CRYBG3: variants seen among roughly 807,000 people sequenced by gnomAD.
CRYBG3 encodes the protein very large A-kinase anchor protein.
CRYBG3 carries 127 observed loss-of-function variants against 244.2 expected under a neutral mutation model. That is an observed-to-expected ratio of 0.52 (90% CI 0.45 to 0.60). The LOEUF is 0.60. Among genes scored for constraint, CRYBG3 ranks in the 20% least tolerant of loss-of-function variants. The pLI is 0.00. For missense variants in CRYBG3, 3,325 were observed against 3,442.5 expected (o/e 0.97, Z 0.85); for synonymous variants, 1,132 against 1,195.8 (o/e 0.95, Z 1.10).
rs753455809 is a variant in CRYBG3 at position 97,876,679 on chromosome 3, G to C, written c.5485G>C (p.Val1829Leu). 28 of 1,238,892 alleles carry C rather than the reference G, an allele frequency of 2.3e-5. No individual in the cohort carries two copies. The highest frequency in any genetic ancestry group is 2.8e-5 in the Non-Finnish European group (28 of 992,508). 76.7% of individuals were successfully genotyped at this position (1,238,892 alleles called of 1,614,324 possible). ...LEMEKACKRDVKETIGATVST... is the reference protein window; with the variant it reads ...LEMEKACKRDLKETIGATVST... ...AATGGAAAAAGCATGCAAGAGAGATGTTAAAGAGACTATTGGAGCAACTGT... is the reference window on the plus strand; with the variant it reads ...AATGGAAAAAGCATGCAAGAGAGATCTTAAAGAGACTATTGGAGCAACTGT... Residue 1829 changes from valine to leucine, a missense_variant, in exon 4 of 22, where the codon GTT (valine) becomes CTT (leucine). Physicochemically the swap from Val to Leu is conservative, Grantham distance 32. This residue lies in a region of CRYBG3 where 635 missense variants were observed against 771.7 expected (regional missense o/e 0.82). Transcript: ENST00000389622.
chr3:97,862,220 A>G (rs2039161260), intron 2 of CRYBG3, among the ~76,000 whole-genome samples: 1 of 152,184 alleles, frequency 6.6e-6, no homozygotes, highest in African/African-American at 2.4e-5. Flanking sequence ...GCAAGTAAAA[A>G]TAATAGGGAG....
intron 10 of CRYBG3, among the ~76,000 whole-genome samples, chr3:97,891,084 A>C (rs2039570351): frequency 6.6e-6 from 1 of 152,132 alleles, no homozygotes; most frequent in Non-Finnish European, 1.5e-5. Context: ...CTCAATGAAT[A>C]GTAGGCCATA....
In CRYBG3 at chr3:97,874,066, C is replaced by T. The variant is rs772238631; in HGVS notation, c.2872C>T (p.Gln958Ter). 183 of 1,535,772 alleles carry T rather than the reference C, an allele frequency of 1.2e-4. No individual in the cohort carries two copies. Among genetic ancestry groups the T allele is most frequent in the Non-Finnish European group, 1.5e-4 (176 of 1,146,834 alleles). Residue 958 changes from glutamine (Q) to a stop codon, truncating the protein, a stop_gained, in exon 4 of 22, where the codon CAG becomes TAG. Transcript: ENST00000389622. LOFTEE classifies it high-confidence loss of function. ...HDEKISRQMA[Q>*]NCEAHTCVFH... ...TGAAAAAATCAGTAGGCAAATGGCG[C>T]AGAATTGTGAAGCTCACACTTGTGT... is the stretch of plus-strand genomic sequence containing the variant.
chr3:97,897,940 G>T (rs1440514953), intron 12 of CRYBG3, among the ~76,000 whole-genome samples: 2 of 152,072 alleles, frequency 1.3e-5, no homozygotes, highest in Non-Finnish European at 2.9e-5. Flanking sequence ...AAAGTTTTGG[G>T]CTGGGCACGG....
chr3:97,857,345 G>C (rs2039080342), intron 2 of CRYBG3, among the ~76,000 whole-genome samples: 1 of 151,420 alleles, frequency 6.6e-6, no homozygotes, highest in Non-Finnish European at 1.5e-5. Context: ...TGTGTATTCT[G>C]TAGCTATTAG....
chr3:97,850,901 G>T (rs2108183924), intron 2 of CRYBG3, among the ~76,000 whole-genome samples: 1 of 152,230 alleles, frequency 6.6e-6, no homozygotes, highest in East Asian at 1.9e-4. Context: ...GGAGGCTGAG[G>T]CGGGTCAATC....
At chr3:97,932,685 T>G (rs2040111340) in intron 17 of CRYBG3, among the ~76,000 whole-genome samples, 1 of 152,086 alleles carries the variant, frequency 6.6e-6, no homozygotes, top group Non-Finnish European at 1.5e-5. Flanking sequence ...CTCTGTCCTG[T>G]CAGTGTGGGA....
rs778477951 is a variant in CRYBG3, at chr3:97,874,543, TCAATTGGGACAGAAGTAACCC to T, written c.3352_3372del (p.Ile1118_Pro1124del). On this transcript the variant is annotated inframe_deletion, in exon 4 of 22. Transcript: ENST00000389622. ...TTATTTGGAATTTGAAACGTCTGTC[TCAATTGGGACAGAAGTAACCC>T]CATTTCAGGAACATTTTGGGATTTA... is the stretch of plus-strand genomic sequence containing the variant. The T allele has an allele frequency of 8.4e-4, 1,291 of 1,535,372 alleles. No homozygotes were observed. The highest frequency in any genetic ancestry group is 1.0e-3 in the Non-Finnish European group (1,184 of 1,146,564).
chr3:97,823,262 C>T (rs1433414282), intron 1 of CRYBG3, among the ~76,000 whole-genome samples: 1 of 152,076 alleles, frequency 6.6e-6, no homozygotes, highest in Non-Finnish European at 1.5e-5. Flanking sequence ...TGTCTTCTCC[C>T]GAGATTGCAC....
intron 15 of CRYBG3, among the ~76,000 whole-genome samples, chr3:97,901,368 T>G (rs886279323): frequency 3.3e-5 from 5 of 152,198 alleles, no homozygotes; most frequent in South Asian, 4.1e-4. Flanking sequence ...ATGCTCAGTG[T>G]TTTTCTCTGA....
At chr3:97,849,151 G>A (rs886326767) in intron 2 of CRYBG3, among the ~76,000 whole-genome samples, 7 of 152,124 alleles carry the variant, frequency 4.6e-5, no homozygotes, top group African/African-American at 1.7e-4. Flanking sequence ...ATTTCATAGA[G>A]GTGTTTTAGA....
In CRYBG3 at chr3:97,881,094, C is replaced by T. The variant is rs751957590; in HGVS notation, c.7027C>T (p.His2343Tyr). 1.3e-6 allele frequency: 2 copies of T among 1,595,218 alleles called. No homozygotes were observed. Among genetic ancestry groups the T allele is most frequent in the Admixed American group, 1.8e-5 (1 of 55,374 alleles). The stretch of plus-strand genomic sequence containing the variant: ...TAGCTGGATTTTATATGAGAAACCA[C>T]ATTTCCGAGGTCAGAAATGTGTGCT... ...RGCWILYEKP[H>Y]FRGQKCVLEE... is the part of the protein sequence containing the mutation. Residue 2343 changes from histidine (H) to tyrosine (Y), a missense_variant, in exon 7 of 22, where the codon CAT (histidine) becomes TAT (tyrosine). Coordinates refer to ENST00000389622, the MANE Select transcript of CRYBG3 (RefSeq NM_153605.4).
Position 97,864,508 on chromosome 3 carries a change from G to A in CRYBG3, c.508G>A (p.Glu170Lys), listed in dbSNP as rs1559723693. 3.9e-6 allele frequency: 6 copies of A among 1,535,700 alleles called. No individual in the cohort carries two copies. The South Asian group carries it at 4.8e-5, about 12-fold the overall frequency. Residue 170 changes from glutamate to lysine, a missense_variant, in exon 3 of 22, where the codon GAG becomes AAG. Coordinates refer to ENST00000389622, the MANE Select transcript of CRYBG3 (RefSeq NM_153605.4). ...CCATCATGAAGACGGGATCAAAAGG[G>A]AGAGAGAGATTTTCAGTGGCTCCCT... is the stretch of plus-strand genomic sequence containing the variant. The part of the protein sequence containing the change: ...SDHHEDGIKR[E>K]REIFSGSLRT...
intron 2 of CRYBG3, among the ~76,000 whole-genome samples, chr3:97,853,406 T>TACACACACACAC (rs57065921): frequency 6.8e-5 from 10 of 147,682 alleles, no homozygotes; most frequent in Non-Finnish European, 1.0e-4. Context: ...ACACATACAA[T>TACACACACACAC]ACACACACAC....
chr3:97,833,139 G>A (rs920261559), intron 1 of CRYBG3, among the ~76,000 whole-genome samples: 2 of 152,164 alleles, frequency 1.3e-5, no homozygotes, highest in African/African-American at 4.8e-5. Context: ...GTTAACCATT[G>A]TGGAAGACAG....
rs11429773 is a variant in CRYBG3 at position 97,868,283 on chromosome 3, C to CAA, written c.648-3543_648-3542dup. Among the ~76,000 whole-genome samples the CAA allele has an allele frequency of 1.7e-3, 197 of 116,898 alleles. 2 individuals carry two copies. The highest frequency in any genetic ancestry group is 9.7e-3 in the Middle Eastern group (2 of 206). The allele number at this position is 116,898 out of a possible 152,430, so 76.7% of individuals were successfully genotyped here. Reference sequence around the variant, plus strand: ...TGGGCGAAAGAGCGAGACTCCATCTCAAAAAAAAAAAAAAAAATATTATTG... The same window carrying CAA: ...TGGGCGAAAGAGCGAGACTCCATCTCAAAAAAAAAAAAAAAAAAATATTATTG... On this transcript the variant is annotated intron_variant, in intron 3 of 21. Transcript: ENST00000389622.
intron 1 of CRYBG3, among the ~76,000 whole-genome samples, chr3:97,838,496 T>G (rs974464824): frequency 2.6e-5 from 4 of 152,124 alleles, no homozygotes; most frequent in African/African-American, 4.8e-5. Flanking sequence ...CCCGTTCCAA[T>G]TGGATTCCTT....
At chr3:97,846,137 T>G (rs1182060049) in intron 2 of CRYBG3, among the ~76,000 whole-genome samples, 1 of 152,194 alleles carries the variant, frequency 6.6e-6, no homozygotes, top group East Asian at 1.9e-4. Context: ...CAGTAACCTT[T>G]CCCTAGTTCT....
At position 97,857,698 on chromosome 3, in the gene CRYBG3, C is replaced by CACATACA. The variant is rs2039086466; in HGVS notation, c.217-6519_217-6518insACATACA. On this transcript the variant is annotated intron_variant, in intron 2 of 21. Coordinates refer to ENST00000389622, the MANE Select transcript of CRYBG3 (RefSeq NM_153605.4). The stretch of plus-strand genomic sequence containing the variant: ...CTTTTTCCATCCATTTACTTTCATT[C>CACATACA]TGTATGTGTCTCTATATGTGAAGTG... Among the ~76,000 whole-genome samples, 3 of 151,896 alleles carry CACATACA rather than the reference C, an allele frequency of 2.0e-5. No homozygotes were observed. The South Asian group carries it at 6.2e-4, about 31-fold the overall frequency.
Sources: allele counts gnomAD v4.1 joint callset (sites outside exome capture counted in the v4.1 genomes callset), GRCh38; gene constraint gnomAD v4.1.1; regional missense constraint gnomAD v4.1.1; transcripts MANE v1.5; gene names NCBI Gene and HGNC (gene_info 2026-07-23, HGNC 2026-07-21).